The following ST7L variants were observed in gnomAD, a reference collection of about 807,000 sequenced individuals.
The protein encoded by ST7L is suppression of tumorigenicity 7 like.
In ST7L, 57 loss-of-function variants were observed where a neutral mutation model predicts 72.5. The observed-to-expected ratio is 0.79, with a 90% CI of 0.64 to 0.98. The LOEUF is 0.98. ST7L is among the 50% of genes least tolerant of loss of function. ST7L has a pLI of 0.00. For synonymous variants in ST7L, 221 were observed against 240.9 expected, an observed-to-expected ratio of 0.92 and a Z score of 0.77; for missense variants, 576 against 672.2, an observed-to-expected ratio of 0.86 and a Z score of 1.58.
chr1:112,604,352 TAACTC>T (rs1195570855), intron 3 of ST7L, among the ~76,000 whole-genome samples: 1 of 151,984 alleles, frequency 6.6e-6, no homozygotes. Flanking sequence ...CCAAAAGTCT[TAACTC>T]ATTCCAGCAT....
At chr1:112,581,297 A>G (rs866129666) in intron 9 of ST7L, among the ~76,000 whole-genome samples, 1 of 152,032 alleles carries the variant, frequency 6.6e-6, no homozygotes, top group Non-Finnish European at 1.5e-5. Context: ...TACTTCTCCA[A>G]TTATCTCCCA....
At chr1:112,604,979 C>T (rs539595790) in intron 3 of ST7L, among the ~76,000 whole-genome samples, 7 of 148,252 alleles carry the variant, frequency 4.7e-5, no homozygotes, top group Non-Finnish European at 7.4e-5. Flanking sequence ...CCCAGCTACT[C>T]GGGAGGCTGA....
At chr1:112,576,079 ATTGT>A (rs2101819939) in intron 11 of ST7L, among the ~76,000 whole-genome samples, 1 of 152,106 alleles carries the variant, frequency 6.6e-6, no homozygotes, top group South Asian at 2.1e-4. Flanking sequence ...AACATGGGGC[ATTGT>A]TTGTAGAACC....
At chr1:112,605,771 C>T (rs1668150356) in intron 3 of ST7L, among the ~76,000 whole-genome samples, 1 of 152,140 alleles carries the variant, frequency 6.6e-6, no homozygotes, top group Admixed American at 6.6e-5. Context: ...GGCAGTGTCA[C>T]CCCCATATCT....
chr1:112,526,190 G>T, intron 14 of ST7L, 79 bp from the exon 15 acceptor site: 1 of 1,589,554 alleles, frequency 6.3e-7, no homozygotes, highest in Non-Finnish European at 8.6e-7. Flanking sequence ...TCTGAGCACA[G>T]TTTACAAAGG....
At chr1:112,537,152 C>G (rs568085305) in intron 14 of ST7L, among the ~76,000 whole-genome samples, 6 of 152,190 alleles carry the variant, frequency 3.9e-5, no homozygotes, top group Admixed American at 1.3e-4. Flanking sequence ...AGTACCACCA[C>G]GCCCAGCTAA....
chr1:112,563,188 T>G (rs1485663566), intron 11 of ST7L, among the ~76,000 whole-genome samples: 1 of 152,012 alleles, frequency 6.6e-6, no homozygotes, highest in Non-Finnish European at 1.5e-5. Context: ...GATAGATGGC[T>G]AGATCTGAAA....
intron 11 of ST7L, among the ~76,000 whole-genome samples, chr1:112,573,858 C>T (rs951314228): frequency 6.6e-6 from 1 of 150,566 alleles, no homozygotes; most frequent in Admixed American, 6.6e-5. Flanking sequence ...CACACCACTG[C>T]ACTCCAGCCT....
chr1:112,531,198 T>C lies in ST7L; in HGVS notation c.1630-5087A>G, dbSNP rs375917459. 5.9e-5 allele frequency among the ~76,000 whole-genome samples: 9 copies of C among 152,346 alleles called. 1 individual carries two copies. The South Asian group carries it at 1.9e-3, about 32-fold the overall frequency. ...GGATGGCTATTAGTTCTTATTAATC[T>C]GTCATTATTAGGAATGAGAGGATAT... On this transcript the variant is annotated intron_variant, in intron 14 of 14. Coordinates refer to ENST00000358039, the MANE Select transcript of ST7L (RefSeq NM_017744.5).
chr1:112,588,341 A>G (rs2101925740), intron 6 of ST7L, among the ~76,000 whole-genome samples: 1 of 152,368 alleles, frequency 6.6e-6, no homozygotes, highest in Middle Eastern at 3.4e-3. Flanking sequence ...ACACAGAAGT[A>G]CAAGTGCAGA....
At chr1:112,619,413 C>G (rs868704553), upstream of ST7L, 26 of 543,788 alleles carry the variant, frequency 4.8e-5, no homozygotes, top group Admixed American at 2.4e-4. Flanking sequence ...CACCGCCCCC[C>G]CCCCGGGGTT....
intron 13 of ST7L, among the ~76,000 whole-genome samples, chr1:112,546,965 CAT>C (rs201268066): frequency 6.6e-6 from 1 of 151,304 alleles, no homozygotes; most frequent in Admixed American, 6.6e-5. Context: ...TATATATGTA[CAT>C]ATATATATAC....
chr1:112,581,133 C>T (rs912349009), intron 9 of ST7L, among the ~76,000 whole-genome samples: 7 of 152,250 alleles, frequency 4.6e-5, no homozygotes, highest in Admixed American at 1.3e-4. Flanking sequence ...ACTATTATAA[C>T]GATCATATTA....
intron 3 of ST7L, among the ~76,000 whole-genome samples, chr1:112,606,732 G>A (rs936641066): frequency 2.0e-5 from 3 of 152,204 alleles, no homozygotes; most frequent in Non-Finnish European, 4.4e-5. Flanking sequence ...GGAAGTCCAA[G>A]ATCAAGGTAC....
At chr1:112,539,663 A>G in intron 14 of ST7L, 1 of 955,746 alleles carries the variant, frequency 1.0e-6, no homozygotes, top group Non-Finnish European at 1.2e-6. Flanking sequence ...TTCAAAAAAA[A>G]AAAAAAAAAA....
chr1:112,570,806 T>TA, intron 11 of ST7L: 1 of 453,522 alleles, frequency 2.2e-6, no homozygotes, highest in Non-Finnish European at 4.4e-6. Flanking sequence ...CCAGTTCATA[T>TA]AACATCAATG....
intron 11 of ST7L, among the ~76,000 whole-genome samples, chr1:112,556,431 A>G (rs1284130757): frequency 6.6e-6 from 1 of 152,244 alleles, no homozygotes; most frequent in African/African-American, 2.4e-5. Flanking sequence ...AAATATAAAA[A>G]TTATGAAATC....
At position 112,584,253 on chromosome 1, in the gene ST7L, C is replaced by T. The variant is rs1664543215; in HGVS notation, c.702-127G>A. On this transcript the variant is annotated intron_variant, in intron 6 of 14. Coordinates refer to ENST00000358039, the MANE Select transcript of ST7L (RefSeq NM_017744.5). Reference sequence around the variant, plus strand: ...TTTTCCATCTTTAGAAAAAAAAAAACCTTCGTTCAATATTTTACCTTAATA... The same window carrying T: ...TTTTCCATCTTTAGAAAAAAAAAAATCTTCGTTCAATATTTTACCTTAATA... The T allele has an allele frequency of 4.3e-6, 4 of 930,178 alleles. No individual in the cohort carries two copies. The East Asian group carries it at 8.7e-5, about 20-fold the overall frequency. 57.6% of individuals were successfully genotyped at this position (930,178 alleles called of 1,614,324 possible).
chr1:112,591,705 T>C, intron 5 of ST7L, 102 bp from the exon 6 acceptor site: 1 of 704,480 alleles, frequency 1.4e-6, no homozygotes. Context: ...AAATAATATA[T>C]TCTTAAACAT....
Sources: gnomAD v4.1 joint callset for allele counts (sites outside exome capture counted in the v4.1 genomes callset) on GRCh38, gnomAD v4.1.1 for gene constraint, MANE v1.5 for transcripts, NCBI Gene and HGNC (gene_info 2026-07-23, HGNC 2026-07-21) for gene names.